The following SPTAN1 variants were observed in gnomAD, a reference collection of about 807,000 sequenced individuals.
SPTAN1 encodes spectrin alpha, non-erythrocytic 1.
SPTAN1 carries 61 observed loss-of-function variants against 331.3 expected under a neutral mutation model. The ratio of observed to expected loss-of-function variants is 0.18; its 90% CI spans 0.15 to 0.23. The LOEUF (loss-of-function observed/expected upper bound fraction) is 0.23. Ranked by LOEUF, SPTAN1 falls within the 10% of genes least tolerant of loss-of-function variation. The pLI is 1.00. For synonymous variants in SPTAN1, 1,153 were observed against 1,173.9 expected, an observed-to-expected ratio of 0.98 and a Z score of 0.36; for missense variants, 2,043 against 3,147.9, an observed-to-expected ratio of 0.65 and a Z score of 8.40.
intron 11 of SPTAN1, among the ~76,000 whole-genome samples, chr9:128,581,339 G>A (rs1307171874): frequency 6.6e-6 from 1 of 151,894 alleles, no homozygotes; most frequent in African/African-American, 2.4e-5. Context: ...TGGGTGCAGT[G>A]GCTCCCTGCT....
intron 5 of SPTAN1, 60 bp downstream of exon 5, chr9:128,575,405 T>G (rs768804390): frequency 3.2e-5 from 50 of 1,586,938 alleles, no homozygotes; most frequent in Non-Finnish European, 4.3e-5. Flanking sequence ...TTTAGTATAT[T>G]CAGGATAAAA....
chr9:128,599,996 A>G (rs1259609858), intron 26 of SPTAN1, 84 bp from the exon 27 acceptor site: 2 of 1,412,682 alleles, frequency 1.4e-6, no homozygotes, highest in East Asian at 4.6e-5. Context: ...CCCTGGGGGA[A>G]ACTAGAGTCA....
At chr9:128,582,613 G>T (rs1852083093) in intron 13 of SPTAN1, 57 bp downstream of exon 13, 1 of 1,611,200 alleles carries the variant, frequency 6.2e-7, no homozygotes, top group African/African-American at 1.3e-5. Flanking sequence ...TCTCTTCTAA[G>T]ATGTTCCAGT....
rs765870145 is a variant in SPTAN1, at chr9:128,609,321, C to G, written c.4758+37C>G. 1.9e-6 allele frequency: 3 copies of G among 1,613,776 alleles called. No homozygotes were observed. In the Admixed American group the frequency reaches 5.0e-5, roughly 27 times the overall value. On this transcript the variant is annotated intron_variant, in intron 36 of 56. Coordinates refer to ENST00000372739, the MANE Select transcript of SPTAN1 (RefSeq NM_001130438.3). The stretch of plus-strand genomic sequence containing the variant: ...TGACTGGGTGTTGGTCTTGATGTAG[C>G]CTTATGTTATTGAGTAGATTTTGTT...
rs762562811 is a variant in SPTAN1 at position 128,594,160 on chromosome 9, C to G, written c.3216-15C>G. 4.2e-5 allele frequency: 67 copies of G among 1,613,944 alleles called. No individual in the cohort carries two copies. In the East Asian group the frequency reaches 4.2e-4, roughly 10 times the overall value. The stretch of plus-strand genomic sequence containing the variant: ...CCTTCCTTGTCCCTCTTGTCACCCT[C>G]TTGAATTCCATCAGATATCATTCTC... On this transcript the variant is annotated splice_polypyrimidine_tract_variant and intron_variant, in intron 23 of 56. Coordinates refer to ENST00000372739, the MANE Select transcript of SPTAN1 (RefSeq NM_001130438.3).
chr9:128,594,417 T>A (rs1426657611), intron 24 of SPTAN1, 44 bp downstream of exon 24: 3 of 1,448,496 alleles, frequency 2.1e-6, no homozygotes, highest in South Asian at 2.4e-5. Flanking sequence ...GTTTAAAGAT[T>A]TGAGTCTCTT....
At position 128,563,001 on chromosome 9, in the gene SPTAN1, T is replaced by C. The variant is rs983968680; in HGVS notation, c.-3-3737T>C. Among the ~76,000 whole-genome samples, 63 of 44,048 alleles carry C rather than the reference T, an allele frequency of 1.4e-3. 1 individual carries two copies. Among genetic ancestry groups the C allele is most frequent in the Middle Eastern group, 0.029 (2 of 68 alleles). 28.9% of individuals were successfully genotyped at this position (44,048 alleles called of 152,430 possible). On this transcript the variant is annotated intron_variant, in intron 1 of 56. Transcript: ENST00000372739. ...ATATATACATGTATGTGTATATATATATATATATATATATATATATATATA... is the reference window on the plus strand; with the variant it reads ...ATATATACATGTATGTGTATATATACATATATATATATATATATATATATA...
intron 51 of SPTAN1, chr9:128,628,707 A>G (rs1276160758): frequency 1.2e-5 from 2 of 167,162 alleles, no homozygotes; most frequent in Non-Finnish European, 2.6e-5. Flanking sequence ...GCACCCAGGC[A>G]CATCAAGCCT....
chr9:128,572,230 T>A (rs1850808881), intron 3 of SPTAN1, among the ~76,000 whole-genome samples: 1 of 152,224 alleles, frequency 6.6e-6, no homozygotes, highest in Non-Finnish European at 1.5e-5. Flanking sequence ...CATCTGCTTC[T>A]CTGAAGGCTC....
intron 41 of SPTAN1, among the ~76,000 whole-genome samples, chr9:128,616,429 G>A (rs2131760505): frequency 1.3e-5 from 2 of 151,486 alleles, no homozygotes; most frequent in Middle Eastern, 6.8e-3. Flanking sequence ...CTGGTCGGAA[G>A]GCTTTAAGGA....
intron 21 of SPTAN1, among the ~76,000 whole-genome samples, chr9:128,589,154 G>A (rs1853087622): frequency 6.6e-6 from 1 of 152,132 alleles, no homozygotes; most frequent in African/African-American, 2.4e-5. Context: ...CCTGCAAGAA[G>A]CATAGATAAT....
At chr9:128,584,980 C>T (rs1206549102) in intron 18 of SPTAN1, 137 bp downstream of exon 18, 2 of 985,250 alleles carry the variant, frequency 2.0e-6, no homozygotes, top group African/African-American at 1.6e-5. Flanking sequence ...AACTGTATGA[C>T]CTGACCAGAC....
Position 128,575,179 on chromosome 9 carries a change from C to T in SPTAN1, c.505-20C>T, listed in dbSNP as rs779640676. On this transcript the variant is annotated intron_variant, in intron 4 of 56. Coordinates refer to ENST00000372739, the MANE Select transcript of SPTAN1 (RefSeq NM_001130438.3). ...CAAATGTTGGTTGGTGACTCTGGCT[C>T]TCTTATGGTCCCTGAATAGGAAGCA... is the stretch of plus-strand genomic sequence containing the variant. 4 of 1,614,124 alleles carry T rather than the reference C, an allele frequency of 2.5e-6. No homozygotes were observed. The Admixed American group carries it at 5.0e-5, about 20-fold the overall frequency.
chr9:128,555,383 G>C (rs1315164321), intron 1 of SPTAN1: 1 of 1,289,364 alleles, frequency 7.8e-7, no homozygotes, highest in South Asian at 1.2e-5. Context: ...TCATCGTTTC[G>C]TAAACGCAGA....
intron 24 of SPTAN1, 121 bp downstream of exon 24, chr9:128,594,494 GAC>G: frequency 5.1e-6 from 5 of 973,984 alleles, no homozygotes; most frequent in Admixed American, 2.6e-5. Context: ...GCAGTGGTAT[GAC>G]TTCGGCTCAC....
Position 128,555,289 on chromosome 9 carries a change from T to C in SPTAN1, c.-4+2593T>C, listed in dbSNP as rs13293951. ...TTTTTTAAATAATCTGTTTTCTTCA[T>C]GATTTTGTTCCGTTTGCCCTTAGAA... On this transcript the variant is annotated intron_variant, in intron 1 of 56. Transcript: ENST00000372739. The C allele has an allele frequency of 1.5e-3, 1,703 of 1,137,206 alleles. 1 individual carries two copies. The highest frequency in any genetic ancestry group is 1.8e-3 in the Non-Finnish European group (1,521 of 861,298). The allele number at this position is 1,137,206 out of a possible 1,614,324, so 70.4% of individuals were successfully genotyped here.
intron 30 of SPTAN1, 36 bp downstream of exon 30, chr9:128,605,214 T>G: frequency 6.2e-7 from 1 of 1,613,964 alleles, no homozygotes; most frequent in Non-Finnish European, 8.5e-7. Context: ...GTCTGGCATT[T>G]TTGCCCCAGA....
chr9:128,620,662 G>A (rs1212084245), intron 44 of SPTAN1, among the ~76,000 whole-genome samples: 1 of 152,044 alleles, frequency 6.6e-6, no homozygotes, highest in African/African-American at 2.4e-5. Context: ...AGGTTGCAGT[G>A]AGCCAAGATC....
intron 31 of SPTAN1, 101 bp downstream of exon 31, chr9:128,605,578 TCA>T: frequency 6.9e-7 from 1 of 1,453,572 alleles, no homozygotes; most frequent in South Asian, 1.2e-5. Flanking sequence ...GTACAATGGC[TCA>T]CACCTATAAT....
Sources: allele counts gnomAD v4.1 joint callset (sites outside exome capture counted in the v4.1 genomes callset), GRCh38; gene constraint gnomAD v4.1.1; transcripts MANE v1.5; gene names NCBI Gene and HGNC (gene_info 2026-07-23, HGNC 2026-07-21).